Variants in CHD1 observed in about 807,000 individuals in gnomAD.
CHD1 encodes the protein chromodomain helicase DNA binding protein 1, also known as ATP-dependent chromatin remodeler CHD1.
Under a neutral mutation model 224.2 loss-of-function variants are expected in CHD1, and 36 were observed. The observed-to-expected ratio is 0.16, with a 90% confidence interval of 0.12 to 0.21. The LOEUF (loss-of-function observed/expected upper bound fraction) is 0.21, where lower values mean the gene tolerates loss of function less well. Among genes scored for constraint, CHD1 ranks in the 10% least tolerant of loss-of-function variants. CHD1 has a pLI of 1.00. For missense variants in CHD1, 1,378 were observed against 1,994.8 expected (o/e 0.69, Z 5.89); for synonymous variants, 668 against 658.3 (o/e 1.01, Z -0.23).
Position 98,896,452 on chromosome 5 carries a change from TA to T in CHD1, c.1494-11del, listed in dbSNP as rs756574264. On this transcript the variant is annotated splice_polypyrimidine_tract_variant and intron_variant, in intron 11 of 35. Transcript: ENST00000614616. ...TATGCAACTATTTCCTCTACAAAGT[TA>T]AAAAAAAATTAGCATGCAAGGAAAT... The T allele has an allele frequency of 3.2e-4, 504 of 1,562,470 alleles. No homozygotes were observed. The highest frequency in any genetic ancestry group is 4.9e-4 in the Admixed American group (27 of 55,000).
intron 2 of CHD1, among the ~76,000 whole-genome samples, chr5:98,906,115 T>C (rs1752036284): frequency 6.6e-6 from 1 of 152,158 alleles, no homozygotes; most frequent in South Asian, 2.1e-4. Flanking sequence ...AGCAAGAATT[T>C]AGTAATTTCT....
intron 23 of CHD1, among the ~76,000 whole-genome samples, chr5:98,876,924 A>G (rs1749805435): frequency 6.6e-6 from 1 of 152,198 alleles, no homozygotes; most frequent in Non-Finnish European, 1.5e-5. Context: ...TCCCAGCATG[A>G]CTGGGAGGCC....
chr5:98,927,851 C>T (rs1218992405), intron 1 of CHD1, among the ~76,000 whole-genome samples: 1 of 152,160 alleles, frequency 6.6e-6, no homozygotes, highest in Non-Finnish European at 1.5e-5. Flanking sequence ...CCTCTGAGAC[C>T]CTTTTCACAA....
At chr5:98,872,670 T>C in intron 26 of CHD1, 115 bp from the exon 27 acceptor site, 4 of 864,720 alleles carry the variant, frequency 4.6e-6, no homozygotes, top group South Asian at 3.2e-5. Context: ...TCCTTATTTA[T>C]ATTATTAAGA....
chr5:98,858,784 A>G (rs2112445526), intron 34 of CHD1, 180 bp downstream of exon 34: 1 of 465,664 alleles, frequency 2.1e-6, no homozygotes. Context: ...ACTACAGTTT[A>G]AGAGAATACA....
intron 30 of CHD1, 89 bp downstream of exon 30, chr5:98,869,665 T>G: frequency 7.1e-7 from 1 of 1,414,436 alleles, no homozygotes; most frequent in Non-Finnish European, 9.8e-7. Flanking sequence ...CTTCGGTACC[T>G]AAAATATAAA....
chr5:98,911,146 A>ATATATATATAT (rs1554081078), intron 2 of CHD1, among the ~76,000 whole-genome samples: 45 of 39,112 alleles, frequency 1.2e-3, no homozygotes, highest in East Asian at 5.5e-3. Flanking sequence ...AAAAAAAAAA[A>ATATATATATAT]ATATATATAT....
At chr5:98,872,591 G>T (rs531897387) in intron 26 of CHD1, 36 bp from the exon 27 acceptor site, 1 of 1,573,176 alleles carries the variant, frequency 6.4e-7, no homozygotes, top group Non-Finnish European at 8.7e-7. Context: ...ATTTTTAAAA[G>T]TATAAAACAT....
chr5:98,857,103 C>T (rs1748091192), intron 35 of CHD1, among the ~76,000 whole-genome samples: 2 of 152,178 alleles, frequency 1.3e-5, no homozygotes, highest in Middle Eastern at 3.4e-3. Flanking sequence ...CTTTTACCAA[C>T]CTCTAAGCAG....
chr5:98,873,369 C>T lies in CHD1; in HGVS notation c.3571+224G>A, dbSNP rs1289934745. ...TATAAAACAGTAATTTCTGACCTTA[C>T]CTCCCAGACAGAAAATGTCAGGGGA... On this transcript the variant is annotated intron_variant, in intron 26 of 35. Coordinates refer to ENST00000614616, the MANE Select transcript of CHD1 (RefSeq NM_001270.4). Among the ~76,000 whole-genome samples, 4 of 152,088 alleles carry T rather than the reference C, an allele frequency of 2.6e-5. No homozygotes were observed. In the East Asian group the frequency reaches 7.7e-4, roughly 29 times the overall value.
intron 3 of CHD1, among the ~76,000 whole-genome samples, chr5:98,904,317 A>G (rs1255864093): frequency 6.6e-6 from 1 of 152,112 alleles, no homozygotes; most frequent in East Asian, 1.9e-4. Context: ...CTATGAAGGA[A>G]TCTGTGTGTC....
rs769014663 is a variant in CHD1 at position 98,883,202 on chromosome 5, A to G, written c.2604T>C (p.Gly868=). The change falls in exon 19 of 36, where the codon GGT becomes GGC. Residue 868 remains glycine (G), a synonymous_variant. Transcript: ENST00000614616. ...FCFLLSTRAG[G]LGINLASADT... ...CAGCAGAGGCTAAATTAATCCCTAG[A>G]CCTCCAGCTCTTGTGGACAGCAAAA... 9.4e-6 allele frequency: 15 copies of G among 1,595,056 alleles called. No homozygotes were observed. The South Asian group carries it at 1.5e-4, about 16-fold the overall frequency.
chr5:98,883,236 T>C lies in CHD1; in HGVS notation c.2570A>G (p.Asp857Gly). 1 of 1,574,674 alleles carries C rather than the reference T, an allele frequency of 6.4e-7. No homozygotes were observed. The highest frequency in any genetic ancestry group is 1.2e-5 in the South Asian group (1 of 84,546). ...LDHFNAEGSEDFCFLLSTRAG... is the reference protein window; with the variant it reads ...LDHFNAEGSEGFCFLLSTRAG... Reference sequence around the variant, plus strand: ...TCTTGTGGACAGCAAAAAGCAAAAATCCTGTAAGAAATTGAATAATCAAAA... The same window carrying C: ...TCTTGTGGACAGCAAAAAGCAAAAACCCTGTAAGAAATTGAATAATCAAAA... The change falls in exon 19 of 36, where the codon GAT (aspartate) becomes GGT (glycine). Residue 857 changes from aspartate (D) to glycine (G), a missense_variant and splice_region_variant. By Grantham distance (94) the Asp-to-Gly change is moderately conservative. Around this residue, in one of 16 missense-constraint regions of CHD1, gnomAD observed 57 missense variants for 177.2 expected, o/e 0.32. Transcript: ENST00000614616.
Position 98,898,536 on chromosome 5 carries a change from T to C in CHD1, c.1187-102A>G. 3.2e-6 allele frequency: 4 copies of C among 1,250,084 alleles called. No homozygotes were observed. The African/African-American group carries it at 4.6e-5, about 14-fold the overall frequency. 77.4% of individuals were successfully genotyped at this position (1,250,084 alleles called of 1,614,324 possible). On this transcript the variant is annotated intron_variant, in intron 9 of 35. Transcript: ENST00000614616. ...AGGCTACACAAGTAAAATTTAGCTATCTAGTTTACAATACTGTTTTAGTAA... is the reference window on the plus strand; with the variant it reads ...AGGCTACACAAGTAAAATTTAGCTACCTAGTTTACAATACTGTTTTAGTAA...
intron 5 of CHD1, 140 bp from the exon 6 acceptor site, chr5:98,901,475 T>G: frequency 1.5e-6 from 1 of 647,900 alleles, no homozygotes; most frequent in Middle Eastern, 3.7e-4. Context: ...AATGAAATAT[T>G]TATAAAACAA....
chr5:98,895,798 C>T (rs1281379784), intron 12 of CHD1, among the ~76,000 whole-genome samples: 3 of 150,570 alleles, frequency 2.0e-5, no homozygotes, highest in East Asian at 1.9e-4. Context: ...CTAAGTAACA[C>T]TAAACCAAAA....
intron 22 of CHD1, 82 bp from the exon 23 acceptor site, chr5:98,879,810 T>C (rs1395314927): frequency 3.7e-6 from 3 of 805,548 alleles, no homozygotes; most frequent in East Asian, 2.7e-5. Flanking sequence ...AGAACTGGCA[T>C]GCTCCTTAGG....
At chr5:98,899,001 T>C (rs901026857) in intron 8 of CHD1, among the ~76,000 whole-genome samples, 3 of 152,244 alleles carry the variant, frequency 2.0e-5, no homozygotes, top group Admixed American at 6.5e-5. Flanking sequence ...TAGGTTTAGA[T>C]AGGTATACCT....
rs771575470 is a variant in CHD1 at position 98,888,227 on chromosome 5, C to A, written c.2357G>T (p.Ser786Ile). 6.2e-7 allele frequency: 1 copy of A among 1,607,680 alleles called. No homozygotes were observed. Among genetic ancestry groups the A allele is most frequent in the Admixed American group, 1.7e-5 (1 of 59,102 alleles). The change falls in exon 17 of 36, where the codon AGT (serine) becomes ATT (isoleucine). Residue 786 changes from serine (S) to isoleucine (I), a missense_variant. Coordinates refer to ENST00000614616, the MANE Select transcript of CHD1 (RefSeq NM_001270.4). ...KQEALQHLIRSSGKLILLDKL... is the reference protein window; with the variant it reads ...KQEALQHLIRISGKLILLDKL... ...GTCAAGAAGAATCAATTTTCCGCTA[C>A]TACGAATTAAGTGCTACAGAAACAA...
Sources: allele counts gnomAD v4.1 joint callset (sites outside exome capture counted in the v4.1 genomes callset), GRCh38; gene constraint gnomAD v4.1.1; regional missense constraint gnomAD v4.1.1; transcripts MANE v1.5; gene names NCBI Gene and HGNC (gene_info 2026-07-23, HGNC 2026-07-21).